The following CSMD2 variants were observed in gnomAD, a reference collection of about 807,000 sequenced individuals.
CSMD2 encodes the protein CUB and Sushi multiple domains 2.
In CSMD2, 130 loss-of-function variants were observed where a neutral mutation model predicts 398.5. That is an observed-to-expected ratio of 0.33 (90% CI 0.28 to 0.38). The LOEUF is 0.38. Ranked by LOEUF, CSMD2 falls within the 10% of genes least tolerant of loss-of-function variation. The probability of loss-of-function intolerance (pLI) is 1.00; values close to 1 mark genes in which losing one functional copy is unlikely to be tolerated. For missense variants in CSMD2, 3,829 were observed against 4,764.9 expected (o/e 0.80, Z 5.78); for synonymous variants, 1,828 against 1,908.5 (o/e 0.96, Z 1.10).
intron 2 of CSMD2, among the ~76,000 whole-genome samples, chr1:34,080,920 T>TA (rs1571037692): frequency 1.8e-5 from 1 of 56,790 alleles, no homozygotes; most frequent in East Asian, 7.9e-4. Context: ...ACTAACTGAG[T>TA]GGAAAGAAAG....
intron 53 of CSMD2, among the ~76,000 whole-genome samples, chr1:33,563,957 G>T (rs192987919): frequency 1.3e-5 from 2 of 152,130 alleles, no homozygotes. Flanking sequence ...TTTTATTCTT[G>T]CTTTCCTCCT....
chr1:34,102,801 G>A (rs115761979), intron 1 of CSMD2, among the ~76,000 whole-genome samples: 2,331 of 152,248 alleles, frequency 0.015, 38 homozygotes, highest in Non-Finnish European at 0.026. Context: ...AACCTCCTTG[G>A]AGACTACCCT....
At chr1:34,029,218 C>T (rs1388330312) in intron 3 of CSMD2, among the ~76,000 whole-genome samples, 2 of 152,182 alleles carry the variant, frequency 1.3e-5, no homozygotes, top group African/African-American at 4.8e-5. Context: ...GCTTGCCACC[C>T]AGCACAAATG....
In CSMD2 at chr1:33,932,561, C is replaced by T. The variant is rs565466065; in HGVS notation, c.712+3199G>A. 1.0e-3 allele frequency among the ~76,000 whole-genome samples: 155 copies of T among 152,278 alleles called. No homozygotes were observed. The South Asian group carries it at 0.031, about 30-fold the overall frequency. On this transcript the variant is annotated intron_variant, in intron 4 of 70. Transcript: ENST00000373381. The stretch of plus-strand genomic sequence containing the variant: ...ATGCCAGAAGAGTGGTATCTCTCCA[C>T]CCTGCTCCTTCCCTCGGAAGGGCCA...
At chr1:33,959,964 A>G (rs1197352745) in intron 3 of CSMD2, among the ~76,000 whole-genome samples, 1 of 152,232 alleles carries the variant, frequency 6.6e-6, no homozygotes, top group Non-Finnish European at 1.5e-5. Flanking sequence ...GGCATAGGTC[A>G]AATGAATGAA....
chr1:33,651,436 T>C (rs1643749106), intron 28 of CSMD2, among the ~76,000 whole-genome samples: 1 of 152,166 alleles, frequency 6.6e-6, no homozygotes, highest in African/African-American at 2.4e-5. Context: ...GCCCAACATC[T>C]GGATAGCGAT....
At chr1:33,885,120 A>AC (rs3831968) in intron 5 of CSMD2, 16,406 of 152,204 alleles carry the variant, frequency 0.11, 1,044 homozygotes, top group African/African-American at 0.16. Context: ...AGAACCAGAG[A>AC]CCAGAGAGTT....
At chr1:33,706,841 CGT>C (rs1645800392) in intron 22 of CSMD2, among the ~76,000 whole-genome samples, 1 of 150,552 alleles carries the variant, frequency 6.6e-6, no homozygotes, top group Admixed American at 6.6e-5. Flanking sequence ...TGTGTGTGTG[CGT>C]GTGTGCATTG....
chr1:33,692,839 G>A, intron 25 of CSMD2, 91 bp downstream of exon 25: 1 of 1,496,744 alleles, frequency 6.7e-7, no homozygotes, highest in Non-Finnish European at 9.2e-7. Context: ...AGGCAGGCAG[G>A]CCAGGCACTA....
intron 3 of CSMD2, among the ~76,000 whole-genome samples, chr1:33,979,013 A>G (rs1191801676): frequency 1.3e-5 from 2 of 152,166 alleles, no homozygotes; most frequent in East Asian, 3.8e-4. Context: ...AGGATCAACC[A>G]CAGCCATCTC....
intron 5 of CSMD2, among the ~76,000 whole-genome samples, chr1:33,907,931 A>G (rs2125253915): frequency 6.6e-6 from 1 of 152,130 alleles, no homozygotes; most frequent in African/African-American, 2.4e-5. Context: ...TCCTAAAAAT[A>G]CAAAAATTAG....
intron 3 of CSMD2, among the ~76,000 whole-genome samples, chr1:33,947,871 T>C (rs1323858511): frequency 6.6e-6 from 1 of 152,228 alleles, no homozygotes; most frequent in Non-Finnish European, 1.5e-5. Context: ...AGGTGGATAC[T>C]GTGCCCATTG....
chr1:33,868,020 A>G (rs1640162909), intron 5 of CSMD2, among the ~76,000 whole-genome samples: 1 of 152,214 alleles, frequency 6.6e-6, no homozygotes, highest in African/African-American at 2.4e-5. Flanking sequence ...AAAAGACAAT[A>G]GGAGGGTCTG....
At chr1:33,830,979 C>T (rs7517519) in intron 6 of CSMD2, among the ~76,000 whole-genome samples, 119,118 of 151,706 alleles carry the variant, frequency 0.79, 47,598 homozygotes, top group East Asian at 0.94. Context: ...TAAAAAGAAA[C>T]GAACAAAGAT....
In CSMD2 at chr1:34,164,834, C is replaced by CGG; in HGVS notation, c.187+75_187+76dup. 1 of 873,784 alleles carries CGG rather than the reference C, an allele frequency of 1.1e-6. No individual in the cohort carries two copies. The highest frequency in any genetic ancestry group is 1.3e-6 in the Non-Finnish European group (1 of 750,530). The allele number at this position is 873,784 out of a possible 1,614,324, so 54.1% of individuals were successfully genotyped here. ...TAGAGGCGGGGGGAGGGACTGGGAC[C>CGG]GGGTCGAGGATGGGTGGGCTCGGGG... On this transcript the variant is annotated intron_variant, in intron 1 of 70. Transcript: ENST00000373381. The surrounding 1 kb of genome is among the most constrained non-coding windows in gnomAD (Gnocchi z 6.2).
Position 33,955,743 on chromosome 1 carries a change from A to G in CSMD2, c.518-19789T>C, listed in dbSNP as rs139799070. On this transcript the variant is annotated intron_variant, in intron 3 of 70. Coordinates refer to ENST00000373381, the MANE Select transcript of CSMD2 (RefSeq NM_001281956.2). ...ACTTTGTGTCACCCTGATCATCACC[A>G]CCATCACCATCATCATCATCATTTC... Among the ~76,000 whole-genome samples, 776 of 118,572 alleles carry G rather than the reference A, an allele frequency of 6.5e-3. 7 individuals are homozygous for G. The highest frequency in any genetic ancestry group is 1.0e-2 in the Non-Finnish European group (516 of 51,778). The allele number at this position is 118,572 out of a possible 152,430, so 77.8% of individuals were successfully genotyped here.
At chr1:33,906,564 G>A (rs1193824544) in intron 5 of CSMD2, among the ~76,000 whole-genome samples, 1 of 152,208 alleles carries the variant, frequency 6.6e-6, no homozygotes, top group Non-Finnish European at 1.5e-5. Context: ...TGGTGAGAGA[G>A]AGGGATTAAA....
intron 3 of CSMD2, among the ~76,000 whole-genome samples, chr1:33,947,107 C>T (rs1644862583): frequency 6.6e-6 from 1 of 152,214 alleles, no homozygotes; most frequent in Admixed American, 6.5e-5. Context: ...GGCAAAGGAG[C>T]TCAAAGAGGA....
chr1:33,658,028 G>A lies in CSMD2; in HGVS notation c.4365C>T (p.Tyr1455=), dbSNP rs139191246. 64 of 1,614,064 alleles carry A rather than the reference G, an allele frequency of 4.0e-5. No homozygotes were observed. Among genetic ancestry groups the A allele is most frequent in the Non-Finnish European group, 4.8e-5 (57 of 1,180,026 alleles). Residue 1455 remains tyrosine (Y), a synonymous_variant, in exon 27 of 71, where the codon TAC becomes TAT. Coordinates refer to ENST00000373381, the MANE Select transcript of CSMD2 (RefSeq NM_001281956.2). ...TGATCTCTGCACTTCCCTGCAGCGC[G>A]TAGCCAGGGTCACACTGGAACACTG... is the stretch of plus-strand genomic sequence containing the variant. The part of the protein sequence containing the change: ...DSTVFQCDPG[Y]ALQGSAEISC...
Sources: allele counts gnomAD v4.1 joint callset (sites outside exome capture counted in the v4.1 genomes callset), GRCh38; gene constraint gnomAD v4.1.1; non-coding constraint Gnocchi (gnomAD v3.1); transcripts MANE v1.5; gene names NCBI Gene and HGNC (gene_info 2026-07-23, HGNC 2026-07-21).